Variants in FLT3 observed in about 807,000 individuals in gnomAD.
FLT3 encodes receptor-type tyrosine-protein kinase FLT3.
Under a neutral mutation model 126.6 loss-of-function variants are expected in FLT3, and 46 were observed. That is an observed-to-expected ratio of 0.36 (90% CI 0.29 to 0.46). FLT3 has a LOEUF of 0.46. FLT3 is among the 20% of genes least tolerant of loss of function. FLT3 has a pLI of 1.00. For missense variants in FLT3, 1,069 were observed against 1,190.3 expected (o/e 0.90, Z 1.50); for synonymous variants, 404 against 434.4 (o/e 0.93, Z 0.87).
intron 2 of FLT3, among the ~76,000 whole-genome samples, chr13:28,066,963 A>C (rs921120075): frequency 3.9e-5 from 6 of 152,240 alleles, no homozygotes. Flanking sequence ...TCACATCTTC[A>C]TAATGACACC....
At chr13:28,072,401 C>CT (rs201129238) in intron 1 of FLT3, among the ~76,000 whole-genome samples, 4 of 151,576 alleles carry the variant, frequency 2.6e-5, no homozygotes, top group East Asian at 1.9e-4. Context: ...CTCTCTCTCT[C>CT]TTTTTTTTAA....
chr13:28,031,145 G>A (rs1478816952), intron 15 of FLT3, among the ~76,000 whole-genome samples: 8 of 150,998 alleles, frequency 5.3e-5, no homozygotes, highest in African/African-American at 1.9e-4. Context: ...GGAGAATGGC[G>A]TGAACCCAGG....
At chr13:28,039,775 T>C (rs568509512) in intron 9 of FLT3, among the ~76,000 whole-genome samples, 11 of 152,006 alleles carry the variant, frequency 7.2e-5, no homozygotes, top group Non-Finnish European at 1.5e-4. Context: ...CTTGAATTCC[T>C]GACCTCATGT....
chr13:28,015,695 G>T lies in FLT3; in HGVS notation c.2548C>A (p.Leu850Met). Residue 850 changes from leucine (L) to methionine (M), a missense_variant, in exon 21 of 24, where the codon CTG becomes ATG. Leu to Met is a conservative substitution (Grantham distance 15). Transcript: ENST00000241453. ...TCGGGGGCCATCCATTTTACAGGCAGACGGGCCTGTGGAAAACCCAGAGGA... is the reference window on the plus strand; with the variant it reads ...TCGGGGGCCATCCATTTTACAGGCATACGGGCCTGTGGAAAACCCAGAGGA... ...SNYVVRGNAR[L>M]PVKWMAPESL... 1 of 1,606,482 alleles carries T rather than the reference G, an allele frequency of 6.2e-7. No homozygotes were observed. The highest frequency in any genetic ancestry group is 8.5e-7 in the Non-Finnish European group (1 of 1,173,290).
At chr13:28,028,952 T>C (rs1873068340) in intron 15 of FLT3, among the ~76,000 whole-genome samples, 1 of 148,702 alleles carries the variant, frequency 6.7e-6, no homozygotes, top group South Asian at 2.2e-4. Flanking sequence ...CAGCTAATTT[T>C]TATATTTTTT....
intron 9 of FLT3, 98 bp from the exon 10 acceptor site, chr13:28,037,386 T>C: frequency 1.3e-6 from 1 of 745,784 alleles, no homozygotes; most frequent in East Asian, 2.5e-5. Flanking sequence ...CTTGAAATGC[T>C]CCTCACTTGC....
intron 1 of FLT3, among the ~76,000 whole-genome samples, chr13:28,095,547 T>C (rs892054356): frequency 9.9e-5 from 15 of 152,226 alleles, no homozygotes; most frequent in African/African-American, 3.6e-4. Flanking sequence ...GTGCTGGGAT[T>C]ACAGGCATGA....
intron 16 of FLT3, 110 bp downstream of exon 16, chr13:28,028,068 G>T: frequency 1.5e-6 from 1 of 665,630 alleles, no homozygotes. Flanking sequence ...CACTGTGACT[G>T]AGAAAAGACA....
At chr13:28,072,118 C>T (rs1186108345) in intron 1 of FLT3, among the ~76,000 whole-genome samples, 1 of 127,804 alleles carries the variant, frequency 7.8e-6, no homozygotes, top group Non-Finnish European at 1.7e-5. Context: ...TCACAGTGTA[C>T]ATCATGTAAT....
chr13:28,052,477 T>C, intron 5 of FLT3, 68 bp downstream of exon 5: 1 of 1,432,548 alleles, frequency 7.0e-7, no homozygotes, highest in Non-Finnish European at 9.6e-7. Flanking sequence ...TACAGCTTGA[T>C]GTCAACTACA....
intron 6 of FLT3, 113 bp from the exon 7 acceptor site, chr13:28,049,887 C>T: frequency 8.2e-7 from 1 of 1,212,398 alleles, no homozygotes; most frequent in East Asian, 2.4e-5. Flanking sequence ...ATATTACTAA[C>T]CACATTAATA....
At chr13:28,035,910 T>C in intron 11 of FLT3, 25 bp downstream of exon 11, 1 of 1,524,616 alleles carries the variant, frequency 6.6e-7, no homozygotes, top group Non-Finnish European at 9.1e-7. Context: ...TCTTCCATTA[T>C]AAGAGGCATC....
At chr13:28,053,013 T>C (rs1270526130) in intron 4 of FLT3, among the ~76,000 whole-genome samples, 1 of 152,210 alleles carries the variant, frequency 6.6e-6, no homozygotes, top group African/African-American at 2.4e-5. Context: ...CTTAAACCCT[T>C]GTTTAACACA....
intron 2 of FLT3, among the ~76,000 whole-genome samples, chr13:28,069,369 G>C (rs919062551): frequency 3.3e-5 from 5 of 152,150 alleles, no homozygotes; most frequent in African/African-American, 1.2e-4. Flanking sequence ...AAATGATGCT[G>C]AGCTTTCAAG....
chr13:28,039,721 A>G (rs1785551941), intron 9 of FLT3, among the ~76,000 whole-genome samples: 1 of 151,582 alleles, frequency 6.6e-6, no homozygotes, highest in African/African-American at 2.4e-5. Flanking sequence ...GCTAATTTTT[A>G]TATTTTTCAT....
At chr13:28,077,513 C>G (rs921835267) in intron 1 of FLT3, among the ~76,000 whole-genome samples, 6 of 152,168 alleles carry the variant, frequency 3.9e-5, no homozygotes, top group Non-Finnish European at 8.8e-5. Flanking sequence ...ATGGGAAAGT[C>G]TGGCACCCAT....
intron 8 of FLT3, 135 bp downstream of exon 8, chr13:28,049,249 C>T: frequency 2.3e-6 from 2 of 861,778 alleles, no homozygotes; most frequent in Non-Finnish European, 3.6e-6. Flanking sequence ...CTTTGCAAAG[C>T]TATTCTAACT....
In FLT3 at chr13:28,090,081, C is replaced by G. The variant is rs201816244; in HGVS notation, c.43+10387G>C. Among the ~76,000 whole-genome samples the G allele has an allele frequency of 2.0e-4, 31 of 151,720 alleles. 1 individual carries two copies. In the East Asian group the frequency reaches 5.4e-3, roughly 27 times the overall value. ...TTTTAGATGGAGTCTGTCTCTGTCA[C>G]CCAGGGTGAAGTGTGGCGGCACAAT... On this transcript the variant is annotated intron_variant, in intron 1 of 23. Transcript: ENST00000241453.
At chr13:28,038,099 C>T (rs1874008274) in intron 9 of FLT3, among the ~76,000 whole-genome samples, 1 of 152,160 alleles carries the variant, frequency 6.6e-6, no homozygotes, top group Non-Finnish European at 1.5e-5. Flanking sequence ...ACTTACATAG[C>T]AATGAACAAC....
Sources: gnomAD v4.1 joint callset for allele counts (sites outside exome capture counted in the v4.1 genomes callset) on GRCh38, gnomAD v4.1.1 for gene constraint, MANE v1.5 for transcripts, NCBI Gene and HGNC (gene_info 2026-07-23, HGNC 2026-07-21) for gene names.